PSMD14: variants seen among roughly 807,000 people sequenced by gnomAD.
PSMD14 encodes ubiquitin C-terminal hydrolase PSMD14.
PSMD14 carries 7 observed loss-of-function variants against 41.2 expected under a neutral mutation model. That is an observed-to-expected ratio of 0.17 (90% CI 0.10 to 0.32). The LOEUF is 0.32. Among genes scored for constraint, PSMD14 ranks in the 10% least tolerant of loss-of-function variants. The pLI, the probability that PSMD14 is intolerant of heterozygous loss-of-function variation, is 1.00. For synonymous variants in PSMD14, 114 were observed against 122.3 expected, an observed-to-expected ratio of 0.93 and a Z score of 0.45; for missense variants, 139 against 375.6, an observed-to-expected ratio of 0.37 and a Z score of 5.21.
intron 9 of PSMD14, among the ~76,000 whole-genome samples, chr2:161,393,815 C>T (rs192577771): frequency 1.1e-3 from 163 of 151,722 alleles, no homozygotes; most frequent in East Asian, 6.6e-3. Flanking sequence ...TAAGAAAAAC[C>T]GTCTTAAAAT....
intron 3 of PSMD14, among the ~76,000 whole-genome samples, chr2:161,340,309 T>A (rs1232067607): frequency 6.6e-6 from 1 of 151,788 alleles, no homozygotes; most frequent in African/African-American, 2.4e-5. Context: ...AGAAGTGGGG[T>A]TCCCAGGGAA....
At chr2:161,392,866 A>G (rs1559053673) in intron 9 of PSMD14, among the ~76,000 whole-genome samples, 1 of 152,156 alleles carries the variant, frequency 6.6e-6, no homozygotes, top group Non-Finnish European at 1.5e-5. Flanking sequence ...GAATATAAAT[A>G]TTTTATCAGA....
chr2:161,340,681 C>T, intron 3 of PSMD14: 1 of 1,506,270 alleles, frequency 6.6e-7, no homozygotes, highest in Non-Finnish European at 8.9e-7. Flanking sequence ...GGGTCTAGAG[C>T]TCAGCAGATT....
intron 7 of PSMD14, among the ~76,000 whole-genome samples, chr2:161,375,884 A>C (rs1260957264): frequency 1.3e-5 from 2 of 151,804 alleles, no homozygotes; most frequent in Non-Finnish European, 2.9e-5. Flanking sequence ...AAAAAAATTA[A>C]AATAAAAAGT....
In PSMD14 at chr2:161,391,156, G is replaced by T. The variant is rs868399904; in HGVS notation, c.623G>T (p.Arg208Leu). The change falls in exon 9 of 12, where the codon CGG becomes CTG. Residue 208 changes from arginine to leucine, a missense_variant. Arg to Leu is a moderately radical substitution (Grantham distance 102). This residue lies in a region of PSMD14 where 80 missense variants were observed against 138.1 expected (regional missense o/e 0.58). Transcript: ENST00000409682. ...TATTACTCCATTACTATTAACTATC[G>T]GAAAAATGAACTGGAACAGAAGGTA... is the stretch of plus-strand genomic sequence containing the variant. ...RHYYSITINY[R>L]KNELEQKMLL... 1 of 1,529,998 alleles carries T rather than the reference G, an allele frequency of 6.5e-7. No individual in the cohort carries two copies. The highest frequency in any genetic ancestry group is 8.8e-7 in the Non-Finnish European group (1 of 1,135,830). The allele number at this position is 1,529,998 out of a possible 1,614,324, so 94.8% of individuals were successfully genotyped here.
chr2:161,309,434 G>A (rs754315283), intron 1 of PSMD14, among the ~76,000 whole-genome samples: 1 of 152,210 alleles, frequency 6.6e-6, no homozygotes, highest in Non-Finnish European at 1.5e-5. Flanking sequence ...TAGAGTTATA[G>A]TGTGAAAGTG....
chr2:161,394,117 G>A (rs992154433), intron 9 of PSMD14, among the ~76,000 whole-genome samples: 1 of 151,120 alleles, frequency 6.6e-6, no homozygotes, highest in Admixed American at 6.6e-5. Context: ...GATTACAGGC[G>A]TCTGCCACCA....
chr2:161,401,778 C>CATTATTATT (rs34830575), intron 10 of PSMD14, among the ~76,000 whole-genome samples: 2,444 of 151,046 alleles, frequency 0.016, 27 homozygotes, highest in Non-Finnish European at 0.025. Flanking sequence ...ATGCATTTGA[C>CATTATTATT]ATTATTATTA....
intron 7 of PSMD14, among the ~76,000 whole-genome samples, chr2:161,378,916 A>T (rs1683537922): frequency 1.3e-5 from 2 of 152,044 alleles, no homozygotes; most frequent in South Asian, 4.1e-4. Context: ...ACAGCAAAGT[A>T]ATTGGCCTTT....
chr2:161,322,078 G>A (rs929000970), intron 3 of PSMD14, among the ~76,000 whole-genome samples: 3 of 152,140 alleles, frequency 2.0e-5, no homozygotes, highest in Non-Finnish European at 2.9e-5. Context: ...TCATCTGCAA[G>A]CTATCTAGGG....
chr2:161,392,245 A>G (rs888575764), intron 9 of PSMD14, among the ~76,000 whole-genome samples: 1 of 152,216 alleles, frequency 6.6e-6, no homozygotes, highest in Non-Finnish European at 1.5e-5. Flanking sequence ...GGGAAAGTTA[A>G]AAGCATTTTT....
intron 3 of PSMD14, among the ~76,000 whole-genome samples, chr2:161,328,202 G>T (rs77848849): frequency 6.6e-6 from 1 of 151,902 alleles, no homozygotes; most frequent in Non-Finnish European, 1.5e-5. Flanking sequence ...GTCTATATCA[G>T]GAGACATGTT....
At chr2:161,369,054 A>T (rs964759173) in intron 5 of PSMD14, among the ~76,000 whole-genome samples, 1 of 151,924 alleles carries the variant, frequency 6.6e-6, no homozygotes, top group African/African-American at 2.4e-5. Context: ...TTTAGATTTA[A>T]ATCTTAGACT....
rs758570185 is a variant in PSMD14 at position 161,318,887 on chromosome 2, C to T, written c.48+14C>T. 6.2e-7 allele frequency: 1 copy of T among 1,605,542 alleles called. No individual in the cohort carries two copies. The highest frequency in any genetic ancestry group is 1.1e-5 in the South Asian group (1 of 90,494). On this transcript the variant is annotated intron_variant, in intron 3 of 11. Coordinates refer to ENST00000409682, the MANE Select transcript of PSMD14 (RefSeq NM_005805.6). ...GGACTGGGCCAGGTTAGTATATAGT[C>T]TCTTGAGCATTTCCTTGTGTGTAAA...
intron 1 of PSMD14, among the ~76,000 whole-genome samples, chr2:161,312,651 A>T (rs2105227785): frequency 6.6e-6 from 1 of 152,348 alleles, no homozygotes; most frequent in East Asian, 1.9e-4. Flanking sequence ...ATATTGTCTG[A>T]TAATATTTTC....
intron 9 of PSMD14, among the ~76,000 whole-genome samples, chr2:161,393,285 C>T (rs1683739901): frequency 6.6e-6 from 1 of 152,164 alleles, no homozygotes; most frequent in African/African-American, 2.4e-5. Context: ...GTTGTAGCAG[C>T]ACCCACATTT....
At chr2:161,410,516 T>A (rs1484206877) in intron 11 of PSMD14, among the ~76,000 whole-genome samples, 2 of 152,170 alleles carry the variant, frequency 1.3e-5, no homozygotes, top group East Asian at 3.9e-4. Context: ...AATACTTAAT[T>A]CTGCCTAAAA....
intron 1 of PSMD14, among the ~76,000 whole-genome samples, chr2:161,309,292 G>A (rs534174603): frequency 2.6e-5 from 4 of 152,026 alleles, no homozygotes; most frequent in Non-Finnish European, 5.9e-5. Context: ...TCTGTCAAAA[G>A]AAAAAGAATG....
At chr2:161,393,943 A>G (rs963378615) in intron 9 of PSMD14, among the ~76,000 whole-genome samples, 2 of 147,836 alleles carry the variant, frequency 1.4e-5, no homozygotes, top group Admixed American at 6.8e-5. Flanking sequence ...TCCAACCCCA[A>G]TTTGCTGGTG....
Sources: allele counts gnomAD v4.1 joint callset (sites outside exome capture counted in the v4.1 genomes callset), GRCh38; gene constraint gnomAD v4.1.1; regional missense constraint gnomAD v4.1.1; transcripts MANE v1.5; gene names NCBI Gene and HGNC (gene_info 2026-07-23, HGNC 2026-07-21).